PREP: variants seen among roughly 807,000 people sequenced by gnomAD.
PREP encodes prolyl endopeptidase, also known as dJ355L5.1 (prolyl endopeptidase).
A neutral mutation model predicts 87.6 loss-of-function variants in PREP; 29 were observed. The observed-to-expected ratio is 0.33, with a 90% CI of 0.25 to 0.45. The LOEUF is 0.45. Among genes scored for constraint, PREP ranks in the 20% least tolerant of loss-of-function variants. The pLI is 1.00. For missense variants in PREP, 695 were observed against 886.5 expected (o/e 0.78, Z 2.74); for synonymous variants, 337 against 328.6 (o/e 1.03, Z -0.28).
rs771495248 is a variant in PREP at position 105,373,495 on chromosome 6, T to C, written c.469A>G (p.Lys157Glu). ...GGAAGCTCTTTGGCACCATCAACTT[T>C]CATGAACTTGATTGTCACCCAGTCT... ...GSDWVTIKFM[K>E]VDGAKELPDV... The change falls in exon 5 of 15, where the codon AAA becomes GAA. Residue 157 changes from lysine (K) to glutamate (E), a missense_variant. This residue lies in a region of PREP where 517 missense variants were observed against 620.3 expected (regional missense o/e 0.83). Coordinates refer to ENST00000652536, the MANE Select transcript of PREP (RefSeq NM_002726.5). 9 of 1,614,218 alleles carry C rather than the reference T, an allele frequency of 5.6e-6. No individual in the cohort carries two copies. The South Asian group carries it at 8.8e-5, about 16-fold the overall frequency.
In PREP at chr6:105,362,634, C is replaced by T. The variant is rs576853377; in HGVS notation, c.717+6269G>A. ...AGCCTTCTTGCTTTACTCACATCCA[C>T]GTCTCTAGCTTGGCTTTCTGACTTT... is the stretch of plus-strand genomic sequence containing the variant. On this transcript the variant is annotated intron_variant, in intron 6 of 14. Coordinates refer to ENST00000652536, the MANE Select transcript of PREP (RefSeq NM_002726.5). Among the ~76,000 whole-genome samples the T allele has an allele frequency of 4.6e-5, 7 of 152,308 alleles. No individual in the cohort carries two copies. The South Asian group carries it at 1.0e-3, about 23-fold the overall frequency.
chr6:105,365,441 A>G (rs1772361238), intron 6 of PREP, among the ~76,000 whole-genome samples: 1 of 152,176 alleles, frequency 6.6e-6, no homozygotes, highest in South Asian at 2.1e-4. Flanking sequence ...TCCCACCTCA[A>G]GATTTTTTTC....
chr6:105,281,708 A>G (rs1215805677), intron 14 of PREP, 38 bp downstream of exon 14: 1 of 1,596,140 alleles, frequency 6.3e-7, no homozygotes, highest in Non-Finnish European at 8.5e-7. Flanking sequence ...ACTTTATATC[A>G]AACCACTAAC....
chr6:105,380,169 A>G (rs1401764319), intron 2 of PREP, among the ~76,000 whole-genome samples: 1 of 152,202 alleles, frequency 6.6e-6, no homozygotes, highest in Non-Finnish European at 1.5e-5. Context: ...GGTGGTCACA[A>G]AAGCCCTTCT....
chr6:105,367,679 A>C (rs1772425033), intron 6 of PREP, among the ~76,000 whole-genome samples: 1 of 152,092 alleles, frequency 6.6e-6, no homozygotes, highest in South Asian at 2.1e-4. Context: ...CTCAAAAAAA[A>C]AAAAAAAAAG....
At chr6:105,303,669 A>T (rs377378406) in intron 10 of PREP, among the ~76,000 whole-genome samples, 67 of 152,356 alleles carry the variant, frequency 4.4e-4, no homozygotes, top group African/African-American at 1.6e-3. Flanking sequence ...TTAAAACAGC[A>T]CAAATGGCCA....
chr6:105,402,869 T>A lies in PREP; in HGVS notation c.23A>T (p.Asp8Val), dbSNP rs1451619521. Residue 8 changes from aspartate (D) to valine (V), a missense_variant, in exon 1 of 15, where the codon GAC (aspartate) becomes GTC (valine). By Grantham distance (152) the Asp-to-Val change is radical. Coordinates refer to ENST00000652536, the MANE Select transcript of PREP (RefSeq NM_002726.5). The stretch of plus-strand genomic sequence containing the variant: ...TACGGCGGTCTCGTCGCGGTACACG[T>A]CGGGGTACTGAAGGGACAGCATGGC... MLSLQYP[D>V]VYRDETAVQD... is the part of the protein sequence containing the mutation. 1.3e-6 allele frequency: 2 copies of A among 1,543,660 alleles called. No homozygotes were observed.
intron 10 of PREP, among the ~76,000 whole-genome samples, chr6:105,317,499 A>G (rs1375144843): frequency 2.6e-5 from 4 of 152,232 alleles, no homozygotes; most frequent in Admixed American, 2.6e-4. Context: ...TGGAAGGCAT[A>G]TAACTTGTCC....
chr6:105,333,327 C>T lies in PREP; in HGVS notation c.1002G>A (p.Glu334=), dbSNP rs1583061691. The T allele has an allele frequency of 1.9e-6, 3 of 1,613,972 alleles. No individual in the cohort carries two copies. Among genetic ancestry groups the T allele is most frequent in the Non-Finnish European group, 2.5e-6 (3 of 1,179,844 alleles). The change falls in exon 8 of 15, where the codon GAG becomes GAA. Residue 334 remains glutamate (E), a synonymous_variant. Transcript: ENST00000652536. ...ATGTGTTCTCACCTAAGACATCTTTCTCATGCTCAGGAACAAGTACTTTCC... is the reference window on the plus strand; with the variant it reads ...ATGTGTTCTCACCTAAGACATCTTTTTCATGCTCAGGAACAAGTACTTTCC... ...SKWKVLVPEH[E]KDVLEWIACV...
intron 10 of PREP, chr6:105,322,477 T>C: frequency 1.0e-6 from 1 of 985,430 alleles, no homozygotes; most frequent in East Asian, 1.1e-4. Flanking sequence ...ACAGAGCTTC[T>C]TGACCCTGTA....
rs1491381551 is a variant in PREP, at chr6:105,276,832, G to GA, written c.*1311dup. ...GACCATAACTTGAAACGTAGAGAAT[G>GA]AGAGAGTGCTCTTAAAAGCACATAC... On this transcript the variant is annotated 3_prime_UTR_variant, in exon 15 of 15. Transcript: ENST00000652536. Among the ~76,000 whole-genome samples, 4 of 152,178 alleles carry GA rather than the reference G, an allele frequency of 2.6e-5. No individual in the cohort carries two copies. The highest frequency in any genetic ancestry group is 2.6e-4 in the Admixed American group (4 of 15,284).
At chr6:105,390,437 G>A (rs761546389) in intron 2 of PREP, among the ~76,000 whole-genome samples, 4 of 152,176 alleles carry the variant, frequency 2.6e-5, no homozygotes, top group Non-Finnish European at 5.9e-5. Flanking sequence ...ATTTTGCCCA[G>A]GGCGGCACTC....
At chr6:105,375,715 C>G (rs907510951) in intron 4 of PREP, among the ~76,000 whole-genome samples, 2 of 152,212 alleles carry the variant, frequency 1.3e-5, no homozygotes, top group African/African-American at 4.8e-5. Flanking sequence ...GGAAACTGAT[C>G]TGATAAACAT....
At chr6:105,365,624 T>C (rs1001911210) in intron 6 of PREP, among the ~76,000 whole-genome samples, 1 of 151,812 alleles carries the variant, frequency 6.6e-6, no homozygotes, top group East Asian at 1.9e-4. Flanking sequence ...TACAGCTGGG[T>C]TGGGAAAGGA....
intron 7 of PREP, among the ~76,000 whole-genome samples, chr6:105,344,685 T>C (rs532318759): frequency 1.5e-5 from 2 of 133,130 alleles, no homozygotes; most frequent in African/African-American, 2.8e-5. Flanking sequence ...TGTCGTGGGG[T>C]GGGGGAGGCG....
At chr6:105,303,230 A>G (rs572953055) in intron 10 of PREP, among the ~76,000 whole-genome samples, 61 of 152,108 alleles carry the variant, frequency 4.0e-4, no homozygotes, top group Admixed American at 2.7e-3. Context: ...ACATGCAGCT[A>G]ATTTTTTATT....
At chr6:105,333,238 G>A in intron 8 of PREP, 76 bp downstream of exon 8, 1 of 1,376,754 alleles carries the variant, frequency 7.3e-7, no homozygotes, top group Non-Finnish European at 1.0e-6. Flanking sequence ...GATCACTAGA[G>A]AATGAGAGAC....
chr6:105,401,391 T>C (rs1773426852), intron 1 of PREP, among the ~76,000 whole-genome samples: 1 of 152,128 alleles, frequency 6.6e-6, no homozygotes, highest in Non-Finnish European at 1.5e-5. Flanking sequence ...GACTGTCACA[T>C]GAATGAATGA....
At chr6:105,344,361 G>A (rs1252578079) in intron 7 of PREP, among the ~76,000 whole-genome samples, 11 of 152,006 alleles carry the variant, frequency 7.2e-5, no homozygotes, top group African/African-American at 1.4e-4. Flanking sequence ...GCGTGGTGGC[G>A]GGCGCCTGTA....
Sources: gnomAD v4.1 joint callset for allele counts (sites outside exome capture counted in the v4.1 genomes callset) on GRCh38, gnomAD v4.1.1 for gene constraint, gnomAD v4.1.1 regional missense constraint, MANE v1.5 for transcripts, NCBI Gene and HGNC (gene_info 2026-07-23, HGNC 2026-07-21) for gene names.